The following KAZN variants were observed in gnomAD, a reference collection of about 807,000 sequenced individuals.
KAZN encodes kazrin.
Under a neutral mutation model 87.4 loss-of-function variants are expected in KAZN, and 40 were observed. That is an observed-to-expected ratio of 0.46 (90% confidence interval 0.36 to 0.60). KAZN has a LOEUF of 0.60. Ranked by LOEUF, KAZN falls within the 20% of genes least tolerant of loss-of-function variation. The pLI, the probability that KAZN is intolerant of heterozygous loss-of-function variation, is 0.00. For missense variants in KAZN, 898 were observed against 1,073.9 expected (o/e 0.84, Z 2.29); for synonymous variants, 466 against 458.3 (o/e 1.02, Z -0.22).
At chr1:14,427,602 CTG>C (rs200162718) in intron 2 of KAZN, among the ~76,000 whole-genome samples, 4,823 of 113,416 alleles carry the variant, frequency 0.043, 250 homozygotes, top group African/African-American at 0.15. Flanking sequence ...TACATGTATA[CTG>C]TGTGTGTGTA....
chr1:14,671,870 G>A (rs1639936445), intron 1 of KAZN, among the ~76,000 whole-genome samples: 1 of 152,178 alleles, frequency 6.6e-6, no homozygotes, highest in African/African-American at 2.4e-5. Flanking sequence ...AGAGTGAGCG[G>A]AGGAGTGTGG....
intron 2 of KAZN, among the ~76,000 whole-genome samples, chr1:14,258,768 T>C (rs1478210277): frequency 6.6e-6 from 1 of 152,156 alleles, no homozygotes; most frequent in Non-Finnish European, 1.5e-5. Context: ...TCTGTGCAAG[T>C]TGCTTTTGTT....
At chr1:14,049,239 T>A (rs1642205533) in intron 1 of KAZN, among the ~76,000 whole-genome samples, 1 of 151,806 alleles carries the variant, frequency 6.6e-6, no homozygotes, top group East Asian at 1.9e-4. Context: ...CACCGCATGT[T>A]CTCACTCATA....
chr1:13,906,797 A>T (rs1639452816), intron 1 of KAZN, among the ~76,000 whole-genome samples: 1 of 152,202 alleles, frequency 6.6e-6, no homozygotes, highest in South Asian at 2.1e-4. Flanking sequence ...AATGACCATT[A>T]TTACACAGCA....
chr1:13,985,349 A>C (rs1638959869), intron 1 of KAZN, among the ~76,000 whole-genome samples: 1 of 151,986 alleles, frequency 6.6e-6, no homozygotes, highest in African/African-American at 2.4e-5. Context: ...AATGTGGCAC[A>C]TATACACCAT....
intron 2 of KAZN, among the ~76,000 whole-genome samples, chr1:14,551,098 A>G (rs552836026): frequency 7.2e-5 from 11 of 152,290 alleles, no homozygotes; most frequent in African/African-American, 2.4e-4. Context: ...TATGTTACAT[A>G]TACTACAAAT....
At chr1:15,041,322 A>ATTTTTTTTTTTTTTTTTTT (rs1220391505) in intron 3 of KAZN, among the ~76,000 whole-genome samples, 2 of 83,182 alleles carry the variant, frequency 2.4e-5, no homozygotes, top group African/African-American at 6.0e-5. Context: ...TACTCTCCGC[A>ATTTTTTTTTTTTTTTTTTT]TTTTTTTTCT....
At chr1:14,551,480 T>G (rs1257098300) in intron 2 of KAZN, among the ~76,000 whole-genome samples, 1 of 152,178 alleles carries the variant, frequency 6.6e-6, no homozygotes, top group Non-Finnish European at 1.5e-5. Context: ...TCTGTGCAAT[T>G]TGTGTGCACA....
intron 1 of KAZN, among the ~76,000 whole-genome samples, chr1:14,817,228 G>A (rs1375206499): frequency 1.3e-5 from 2 of 152,062 alleles, no homozygotes; most frequent in Non-Finnish European, 2.9e-5. Context: ...CATATATCTT[G>A]GCGACCCCCT....
chr1:14,019,345 T>C (rs1399809117), intron 1 of KAZN, among the ~76,000 whole-genome samples: 1 of 152,064 alleles, frequency 6.6e-6, no homozygotes, highest in Non-Finnish European at 1.5e-5. Flanking sequence ...GGAACACAAA[T>C]GAGGAAAAGG....
At chr1:14,833,384 G>GGT (rs1316017093) in intron 1 of KAZN, among the ~76,000 whole-genome samples, 3 of 152,172 alleles carry the variant, frequency 2.0e-5, no homozygotes, top group East Asian at 1.9e-4. Flanking sequence ...TGGGAGCACT[G>GGT]GTGTGTGTGT....
intron 2 of KAZN, among the ~76,000 whole-genome samples, chr1:14,338,315 G>GA (rs35218193): frequency 0.86 from 129,333 of 149,940 alleles, 55,941 homozygotes; most frequent in Admixed American, 0.91. Context: ...CTCCACTAAA[G>GA]AAAAAAAAAT....
chr1:14,393,614 G>A (rs1215594240), intron 2 of KAZN, among the ~76,000 whole-genome samples: 1 of 151,992 alleles, frequency 6.6e-6, no homozygotes, highest in Admixed American at 6.5e-5. Flanking sequence ...GGTGACAAGT[G>A]GCACCCTCCC....
intron 1 of KAZN, among the ~76,000 whole-genome samples, chr1:14,112,107 C>G (rs935533282): frequency 1.0e-5 from 1 of 97,430 alleles, no homozygotes; most frequent in Non-Finnish European, 2.2e-5. Context: ...GAGGGTCTGC[C>G]GCAGCTTTGC....
At chr1:13,917,198 A>G (rs35842386) in intron 1 of KAZN, among the ~76,000 whole-genome samples, 5,231 of 152,302 alleles carry the variant, frequency 0.034, 110 homozygotes, top group Middle Eastern at 0.075. Context: ...TTTCTATAAC[A>G]TAAAAGTTCA....
At chr1:14,968,690 G>A (rs1458805323) in intron 2 of KAZN, among the ~76,000 whole-genome samples, 1 of 152,190 alleles carries the variant, frequency 6.6e-6, no homozygotes, top group African/African-American at 2.4e-5. Flanking sequence ...AGGATCCGGA[G>A]TTTCCTCTCC....
chr1:13,958,739 G>A (rs1641643653), intron 1 of KAZN, among the ~76,000 whole-genome samples: 2 of 152,096 alleles, frequency 1.3e-5, no homozygotes, highest in African/African-American at 2.4e-5. Flanking sequence ...TGGGCAGATA[G>A]ATACATCTAT....
chr1:13,946,715 G>A (rs1258051190), intron 1 of KAZN, among the ~76,000 whole-genome samples: 1 of 152,162 alleles, frequency 6.6e-6, no homozygotes, highest in Non-Finnish European at 1.5e-5. Flanking sequence ...AGATGGCTAA[G>A]GTATTATGAT....
Position 14,784,529 on chromosome 1 carries a change from C to T in KAZN, c.227-176155C>T, listed in dbSNP as rs112063796. ...ATCCCAGCACTTTGGGAGGCTGAGG[C>T]GGGCAGATCACTTGAGGTGAGGAGT... On this transcript the variant is annotated intron_variant, in intron 1 of 14. Transcript: ENST00000376030. Among the ~76,000 whole-genome samples, 507 of 152,174 alleles carry T rather than the reference C, an allele frequency of 3.3e-3. 3 individuals are homozygous for T. Among genetic ancestry groups the T allele is most frequent in the African/African-American group, 0.011 (465 of 41,526 alleles).
Sources: gnomAD v4.1 joint callset for allele counts (sites outside exome capture counted in the v4.1 genomes callset) on GRCh38, gnomAD v4.1.1 for gene constraint, MANE v1.5 for transcripts, NCBI Gene and HGNC (gene_info 2026-07-23, HGNC 2026-07-21) for gene names.